The following KIDINS220 variants were observed in gnomAD, a reference collection of about 807,000 sequenced individuals.
KIDINS220 encodes the protein kinase D interacting substrate 220.
A neutral mutation model predicts 157.6 loss-of-function variants in KIDINS220; 63 were observed. The ratio of observed to expected loss-of-function variants is 0.40; its 90% CI spans 0.33 to 0.49. The LOEUF (loss-of-function observed/expected upper bound fraction) is 0.49. Ranked by LOEUF, KIDINS220 falls within the 20% of genes least tolerant of loss-of-function variation. The probability of loss-of-function intolerance (pLI) is 0.66; values close to 1 mark genes in which losing one functional copy is unlikely to be tolerated. For synonymous variants in KIDINS220, 732 were observed against 783.6 expected, an observed-to-expected ratio of 0.93 and a Z score of 1.10; for missense variants, 1,772 against 2,171.2, an observed-to-expected ratio of 0.82 and a Z score of 3.65.
intron 11 of KIDINS220, among the ~76,000 whole-genome samples, chr2:8,796,220 A>C (rs1473121544): frequency 6.6e-6 from 1 of 152,220 alleles, no homozygotes; most frequent in African/African-American, 2.4e-5. Context: ...CTGGGGGAAA[A>C]CCAATTTAAA....
At chr2:8,737,051 A>C (rs1164212052) in intron 26 of KIDINS220, 52 bp from the exon 27 acceptor site, 11 of 1,575,838 alleles carry the variant, frequency 7.0e-6, no homozygotes, top group Non-Finnish European at 9.5e-6. Context: ...AATGCCATCT[A>C]TAATGAGGTC....
chr2:8,807,040 A>C (rs919594149), intron 6 of KIDINS220, among the ~76,000 whole-genome samples: 7 of 152,224 alleles, frequency 4.6e-5, no homozygotes, highest in Non-Finnish European at 8.8e-5. Flanking sequence ...GTGCCAAACA[A>C]ACTAAAGTGG....
intron 2 of KIDINS220, among the ~76,000 whole-genome samples, chr2:8,822,307 C>T (rs1456849148): frequency 3.3e-5 from 5 of 152,084 alleles, no homozygotes; most frequent in African/African-American, 1.2e-4. Context: ...TTTCGAAATC[C>T]TCCTTTGAAA....
chr2:8,835,191 C>T (rs1238979209), intron 1 of KIDINS220, among the ~76,000 whole-genome samples: 1 of 152,172 alleles, frequency 6.6e-6, no homozygotes, highest in Non-Finnish European at 1.5e-5. Context: ...TTCATTCTTA[C>T]ATCCCCAGAA....
Position 8,731,350 on chromosome 2 carries a change from C to A in KIDINS220, c.4686G>T (p.Pro1562=), listed in dbSNP as rs777163980. The change falls in exon 30 of 30, where the codon CCG becomes CCT. Residue 1562 remains proline (P), a synonymous_variant. Transcript: ENST00000256707. This position sits in a 1 kb window ranked among gnomAD's most constrained non-coding sequence, Gnocchi z 5.2. ...CTTTGGCTTTAATGAAGGTTCTGAT[C>A]GGCTCAGCACTGTGTTCTGGAGACT... The part of the protein sequence containing the change: ...VPKSPEHSAE[P]IRTFIKAKEY... 2.5e-6 allele frequency: 4 copies of A among 1,614,208 alleles called. No individual in the cohort carries two copies. The highest frequency in any genetic ancestry group is 4.5e-5 in the East Asian group (2 of 44,882).
chr2:8,789,283 ATTT>A (rs70946384), intron 14 of KIDINS220, among the ~76,000 whole-genome samples: 12 of 109,058 alleles, frequency 1.1e-4, no homozygotes, highest in Admixed American at 1.9e-4. Flanking sequence ...CAGAAAAAGA[ATTT>A]TTTTTTTTTT....
At chr2:8,762,047 T>C (rs1165004165) in intron 22 of KIDINS220, among the ~76,000 whole-genome samples, 1 of 152,186 alleles carries the variant, frequency 6.6e-6, no homozygotes, top group Admixed American at 6.5e-5. Flanking sequence ...GTTTGAAAAA[T>C]ATAACTATAC....
rs1290319733 is a variant in KIDINS220 at position 8,747,932 on chromosome 2, A to G, written c.3483T>C (p.Arg1161=). 1 of 1,606,482 alleles carries G rather than the reference A, an allele frequency of 6.2e-7. No homozygotes were observed. Among genetic ancestry groups the G allele is most frequent in the Non-Finnish European group, 8.5e-7 (1 of 1,177,022 alleles). ...TGGGCAAACTCGTTTTTACTGATGG[A>G]CGTGAGATGAGATGTTGGGAGCCGC... The part of the protein sequence containing the change: ...YPGGSQHLIS[R]PSVKTSLPRD... The change falls in exon 25 of 30, where the codon CGT becomes CGC. Residue 1161 remains arginine (R), a synonymous_variant. Transcript: ENST00000256707.
chr2:8,740,350 T>G (rs1391482301), intron 26 of KIDINS220, among the ~76,000 whole-genome samples: 1 of 152,168 alleles, frequency 6.6e-6, no homozygotes. Context: ...CACACATGCA[T>G]GCACACACAC....
intron 17 of KIDINS220, among the ~76,000 whole-genome samples, chr2:8,782,960 G>A (rs776181141): frequency 3.9e-5 from 6 of 152,096 alleles, no homozygotes; most frequent in African/African-American, 1.2e-4. Context: ...TTGGGAGGCC[G>A]AGGAGGGAGG....
intron 22 of KIDINS220, chr2:8,757,415 T>C: frequency 8.1e-7 from 1 of 1,227,382 alleles, no homozygotes; most frequent in Non-Finnish European, 1.0e-6. Flanking sequence ...CCAACAGTCT[T>C]ACAGCTTTAA....
At chr2:8,784,169 G>C (rs1672078990) in intron 17 of KIDINS220, among the ~76,000 whole-genome samples, 1 of 151,406 alleles carries the variant, frequency 6.6e-6, no homozygotes, top group Non-Finnish European at 1.5e-5. Flanking sequence ...TTTAACAAAT[G>C]GTGCTGGAAC....
At chr2:8,807,484 T>C (rs1052445502) in intron 6 of KIDINS220, among the ~76,000 whole-genome samples, 2 of 152,266 alleles carry the variant, frequency 1.3e-5, no homozygotes, top group African/African-American at 4.8e-5. Context: ...ATAATGACGA[T>C]TAAGCACTTG....
intron 10 of KIDINS220, among the ~76,000 whole-genome samples, chr2:8,797,395 G>C (rs1448981051): frequency 1.3e-5 from 2 of 152,184 alleles, no homozygotes; most frequent in African/African-American, 4.8e-5. Flanking sequence ...CCACAATTCA[G>C]CACTGAGTTA....
At chr2:8,760,736 C>T (rs1668640789) in intron 22 of KIDINS220, among the ~76,000 whole-genome samples, 1 of 152,200 alleles carries the variant, frequency 6.6e-6, no homozygotes, top group Non-Finnish European at 1.5e-5. Context: ...TTCTCACTAA[C>T]TGAATTTGTT....
chr2:8,759,491 A>C (rs1428570999), intron 22 of KIDINS220, among the ~76,000 whole-genome samples: 1 of 151,160 alleles, frequency 6.6e-6, no homozygotes, highest in Non-Finnish European at 1.5e-5. Flanking sequence ...CATGTAATTT[A>C]AAGGATTAAA....
chr2:8,800,491 T>G lies in KIDINS220; in HGVS notation c.809A>C (p.Asp270Ala). The change falls in exon 9 of 30, where the codon GAT becomes GCT. Residue 270 changes from aspartate (D) to alanine (A), a missense_variant. This residue lies in a region of KIDINS220 where 725 missense variants were observed against 1,017.1 expected (regional missense o/e 0.71). Coordinates refer to ENST00000256707, the MANE Select transcript of KIDINS220 (RefSeq NM_020738.4). ...TYVNIPDRSG[D>A]TVLIGAVRGG... ...TCTGACAGCGCCAATCAACACAGTATCCCCACTCTAAGAAGACAGAAAATA... is the reference window on the plus strand; with the variant it reads ...TCTGACAGCGCCAATCAACACAGTAGCCCCACTCTAAGAAGACAGAAAATA... The G allele has an allele frequency of 6.2e-7, 1 of 1,605,360 alleles. No individual in the cohort carries two copies. The highest frequency in any genetic ancestry group is 8.5e-7 in the Non-Finnish European group (1 of 1,176,444).
At chr2:8,742,175 G>GTGCTGTGA (rs1665720708) in intron 26 of KIDINS220, among the ~76,000 whole-genome samples, 1 of 151,968 alleles carries the variant, frequency 6.6e-6, no homozygotes, top group African/African-American at 2.4e-5. Flanking sequence ...CTGGGGTGCA[G>GTGCTGTGA]TGCTGTGATC....
At chr2:8,726,002 A>T (rs908282899), downstream of KIDINS220, among the ~76,000 whole-genome samples, 13 of 152,314 alleles carry the variant, frequency 8.5e-5, no homozygotes, top group African/African-American at 3.1e-4. Flanking sequence ...CCGCAGGCAG[A>T]CTCAGAATAT....
Sources: gnomAD v4.1 joint callset for allele counts (sites outside exome capture counted in the v4.1 genomes callset) on GRCh38, gnomAD v4.1.1 for gene constraint, gnomAD v4.1.1 regional missense constraint, Gnocchi (gnomAD v3.1) non-coding constraint, MANE v1.5 for transcripts, NCBI Gene and HGNC (gene_info 2026-07-23, HGNC 2026-07-21) for gene names.